ADAMTS16: variants seen among roughly 807,000 people sequenced by gnomAD.
ADAMTS16 encodes the protein A disintegrin and metalloproteinase with thrombospondin motifs 16.
In ADAMTS16, 94 loss-of-function variants were observed where a neutral mutation model predicts 145.8. That is an observed-to-expected ratio of 0.64 (90% confidence interval 0.55 to 0.77). The LOEUF (loss-of-function observed/expected upper bound fraction) is 0.77. Ranked by LOEUF, ADAMTS16 falls within the 30% of genes least tolerant of loss-of-function variation. The pLI, the probability that ADAMTS16 is intolerant of heterozygous loss-of-function variation, is 0.00. For missense variants in ADAMTS16, 1,585 were observed against 1,591.5 expected (o/e 1.00, Z 0.07); for synonymous variants, 659 against 604.3 (o/e 1.09, Z -1.33).
intron 17 of ADAMTS16, among the ~76,000 whole-genome samples, chr5:5,251,482 A>T (rs1337704323): frequency 6.6e-6 from 1 of 152,202 alleles, no homozygotes; most frequent in African/African-American, 2.4e-5. Flanking sequence ...TATTGGCTTC[A>T]TTTTTATGGA....
chr5:5,271,366 CG>C (rs1738467259), intron 18 of ADAMTS16, among the ~76,000 whole-genome samples: 2 of 152,204 alleles, frequency 1.3e-5, no homozygotes, highest in Non-Finnish European at 2.9e-5. Flanking sequence ...CCTCCAGGAC[CG>C]GGGAGCTGTG....
At chr5:5,178,051 A>G (rs910547241) in intron 3 of ADAMTS16, among the ~76,000 whole-genome samples, 1 of 152,238 alleles carries the variant, frequency 6.6e-6, no homozygotes, top group African/African-American at 2.4e-5. Context: ...CAATTAATAC[A>G]AATCTACCAA....
At position 5,298,657 on chromosome 5, in the gene ADAMTS16, T is replaced by A. The variant is rs1223096029; in HGVS notation, c.2790-4611T>A. On this transcript the variant is annotated intron_variant, in intron 18 of 22. Coordinates refer to ENST00000274181, the MANE Select transcript of ADAMTS16 (RefSeq NM_139056.4). Reference sequence around the variant, plus strand: ...AAGAGGCAGATTTTTCCAACTGACATCTCTTTATTGTTGAATGGGCACTGC... The same window carrying A: ...AAGAGGCAGATTTTTCCAACTGACAACTCTTTATTGTTGAATGGGCACTGC... Among the ~76,000 whole-genome samples, 5 of 105,762 alleles carry A rather than the reference T, an allele frequency of 4.7e-5. No individual in the cohort carries two copies. The East Asian group carries it at 1.3e-3, about 28-fold the overall frequency. 69.4% of individuals were successfully genotyped at this position (105,762 alleles called of 152,430 possible).
intron 6 of ADAMTS16, among the ~76,000 whole-genome samples, chr5:5,189,507 T>A (rs957220994): frequency 3.3e-5 from 5 of 152,230 alleles, no homozygotes; most frequent in African/African-American, 7.2e-5. Context: ...AACACTATAA[T>A]AATAAGTATT....
intron 6 of ADAMTS16, 84 bp from the exon 7 acceptor site, chr5:5,189,887 A>G: frequency 6.5e-7 from 1 of 1,532,538 alleles, no homozygotes; most frequent in Non-Finnish European, 8.9e-7. Context: ...ATCCAGGTCA[A>G]TAATAGTTTG....
At chr5:5,200,402 T>C (rs550912404) in intron 9 of ADAMTS16, 133 bp downstream of exon 9, 1 of 1,207,450 alleles carries the variant, frequency 8.3e-7, no homozygotes, top group Non-Finnish European at 1.1e-6. Context: ...TCTTGAGACA[T>C]TCAGTTGACC....
At chr5:5,158,881 C>T (rs1257642935) in intron 3 of ADAMTS16, among the ~76,000 whole-genome samples, 1 of 152,184 alleles carries the variant, frequency 6.6e-6, no homozygotes, top group Non-Finnish European at 1.5e-5. Flanking sequence ...AATTACCAAA[C>T]TTACTCCAAG....
chr5:5,223,129 G>T, intron 11 of ADAMTS16: 1 of 507,574 alleles, frequency 2.0e-6, no homozygotes, highest in Non-Finnish European at 3.5e-6. Flanking sequence ...TCAGACAACA[G>T]GTGATGACAG....
intron 18 of ADAMTS16, among the ~76,000 whole-genome samples, chr5:5,287,883 A>C (rs1739160790): frequency 6.6e-6 from 1 of 152,166 alleles, no homozygotes; most frequent in Admixed American, 6.6e-5. Flanking sequence ...GGTGGAGCTC[A>C]GGAGCCTTAG....
chr5:5,260,092 G>A (rs1156331642), intron 17 of ADAMTS16, among the ~76,000 whole-genome samples: 1 of 152,216 alleles, frequency 6.6e-6, no homozygotes, highest in Non-Finnish European at 1.5e-5. Flanking sequence ...GTTGCCCCAA[G>A]GGATTGAGGT....
At chr5:5,236,553 G>A (rs1473422731) in intron 13 of ADAMTS16, among the ~76,000 whole-genome samples, 1 of 151,076 alleles carries the variant, frequency 6.6e-6, no homozygotes, top group Non-Finnish European at 1.5e-5. Context: ...ATTCAGTGAT[G>A]TTTTTGATTC....
At chr5:5,306,883 G>A (rs904756418) in intron 21 of ADAMTS16, among the ~76,000 whole-genome samples, 155 bp downstream of exon 21, 1 of 152,212 alleles carries the variant, frequency 6.6e-6, no homozygotes, top group Admixed American at 6.5e-5. Flanking sequence ...CGGGTGGCCT[G>A]GTTCCTGGGT....
intron 7 of ADAMTS16, among the ~76,000 whole-genome samples, chr5:5,191,367 C>T (rs758252525): frequency 6.6e-6 from 1 of 152,114 alleles, no homozygotes; most frequent in Non-Finnish European, 1.5e-5. Flanking sequence ...CTTCCTCCAT[C>T]TGCAATAGAT....
intron 8 of ADAMTS16, among the ~76,000 whole-genome samples, chr5:5,196,796 C>T (rs1019322373): frequency 6.6e-6 from 1 of 152,104 alleles, no homozygotes; most frequent in Non-Finnish European, 1.5e-5. Context: ...CTGTACAGTT[C>T]ATGAGGAAGG....
intron 11 of ADAMTS16, among the ~76,000 whole-genome samples, chr5:5,224,183 G>A (rs1486575570): frequency 1.3e-5 from 2 of 151,868 alleles, no homozygotes; most frequent in African/African-American, 2.4e-5. Flanking sequence ...TTCCTCGAAG[G>A]GCGTGAAATT....
chr5:5,267,871 A>C (rs967158929), intron 18 of ADAMTS16, among the ~76,000 whole-genome samples: 6 of 152,174 alleles, frequency 3.9e-5, no homozygotes, highest in Non-Finnish European at 7.3e-5. Flanking sequence ...CCCCGCTCCC[A>C]TATCAGAATC....
At chr5:5,241,564 G>A (rs35009703) in intron 16 of ADAMTS16, among the ~76,000 whole-genome samples, 24,033 of 152,216 alleles carry the variant, frequency 0.16, 2,050 homozygotes, top group Middle Eastern at 0.21. Flanking sequence ...GAAGCATGAC[G>A]ATGCTTTGTA....
At chr5:5,188,042 G>T (rs1246824575) in intron 6 of ADAMTS16, among the ~76,000 whole-genome samples, 1 of 152,106 alleles carries the variant, frequency 6.6e-6, no homozygotes, top group African/African-American at 2.4e-5. Flanking sequence ...TAATTGGCCT[G>T]TAAGAAAATG....
At chr5:5,261,611 T>C (rs1738032379) in intron 17 of ADAMTS16, among the ~76,000 whole-genome samples, 2 of 151,626 alleles carry the variant, frequency 1.3e-5, no homozygotes, top group East Asian at 1.9e-4. Context: ...CTCAGCCTCC[T>C]GATAGCTGGG....
Sources: allele counts gnomAD v4.1 joint callset (sites outside exome capture counted in the v4.1 genomes callset), GRCh38; gene constraint gnomAD v4.1.1; transcripts MANE v1.5; gene names NCBI Gene and HGNC (gene_info 2026-07-23, HGNC 2026-07-21).